NUDCD1: variants seen among roughly 807,000 people sequenced by gnomAD.
NUDCD1 encodes NudC domain containing 1, also known as nudC domain-containing protein 1.
In NUDCD1, 60 loss-of-function variants were observed where a neutral mutation model predicts 67.8. That is an observed-to-expected ratio of 0.88 (90% CI 0.72 to 1.10). The LOEUF (loss-of-function observed/expected upper bound fraction) is 1.10. Among genes scored for constraint, NUDCD1 ranks in the 50% least tolerant of loss-of-function variants. NUDCD1 has a pLI of 0.00. For synonymous variants in NUDCD1, 244 were observed against 230.8 expected (o/e 1.06, Z -0.52); for missense variants, 643 against 695.0 (o/e 0.93, Z 0.84).
intron 8 of NUDCD1, among the ~76,000 whole-genome samples, chr8:109,258,565 T>C (rs1813791851): frequency 6.6e-6 from 1 of 152,110 alleles, no homozygotes; most frequent in Admixed American, 6.6e-5. Flanking sequence ...TAATTTATGA[T>C]AGCTGCTAAA....
chr8:109,274,800 T>G (rs973148466), intron 7 of NUDCD1, among the ~76,000 whole-genome samples: 1 of 152,172 alleles, frequency 6.6e-6, no homozygotes, highest in Admixed American at 6.5e-5. Flanking sequence ...CAAGTTCTGA[T>G]GTACTGCTGT....
intron 7 of NUDCD1, among the ~76,000 whole-genome samples, chr8:109,271,683 C>G (rs759915533): frequency 2.6e-5 from 4 of 152,022 alleles, no homozygotes; most frequent in Non-Finnish European, 5.9e-5. Flanking sequence ...CAAAGAACTC[C>G]AAGCACAACA....
chr8:109,259,009 T>C (rs1204766500), intron 8 of NUDCD1, among the ~76,000 whole-genome samples: 1 of 152,234 alleles, frequency 6.6e-6, no homozygotes, highest in African/African-American at 2.4e-5. Flanking sequence ...ATTACTGTGA[T>C]ACCTGAACTT....
intron 5 of NUDCD1, among the ~76,000 whole-genome samples, chr8:109,282,041 T>G (rs1442656521): frequency 6.6e-6 from 1 of 152,164 alleles, no homozygotes; most frequent in African/African-American, 2.4e-5. Context: ...TGGGAGGGTT[T>G]CTTAGCTCCA....
intron 3 of NUDCD1, among the ~76,000 whole-genome samples, chr8:109,293,897 T>C (rs1380097): frequency 0.36 from 54,682 of 151,704 alleles, 10,667 homozygotes; most frequent in South Asian, 0.5. Context: ...GAAGAATAAA[T>C]CACCAAAACA....
intron 5 of NUDCD1, among the ~76,000 whole-genome samples, chr8:109,288,916 G>A (rs1033893033): frequency 6.6e-6 from 1 of 151,772 alleles, no homozygotes; most frequent in East Asian, 1.9e-4. Flanking sequence ...CTCTTGAACA[G>A]CTTTAAAAGA....
chr8:109,297,530 C>T (rs1814873758), intron 2 of NUDCD1, among the ~76,000 whole-genome samples: 1 of 152,056 alleles, frequency 6.6e-6, no homozygotes, highest in African/African-American at 2.4e-5. Context: ...CTCTTTTTCC[C>T]CCTCCGCCTT....
At position 109,320,105 on chromosome 8, in the gene NUDCD1, G is replaced by A. The variant is rs184247176; in HGVS notation, c.273+2204C>T. On this transcript the variant is annotated intron_variant, in intron 2 of 9. Transcript: ENST00000239690. Reference sequence around the variant, plus strand: ...GGCGAGATCACAAAACCACAGGACTGGGGCGAAATTAAAATTGCTAATGAA... The same window carrying A: ...GGCGAGATCACAAAACCACAGGACTAGGGCGAAATTAAAATTGCTAATGAA... 4.9e-3 allele frequency among the ~76,000 whole-genome samples: 747 copies of A among 152,302 alleles called. 5 individuals are homozygous for A. Among genetic ancestry groups the A allele is most frequent in the Non-Finnish European group, 8.7e-3 (590 of 68,010 alleles).
intron 2 of NUDCD1, 36 bp from the exon 3 acceptor site, chr8:109,296,605 T>C (rs1814849132): frequency 7.5e-7 from 1 of 1,327,834 alleles, no homozygotes; most frequent in Non-Finnish European, 1.1e-6. Flanking sequence ...AATCTCTTCC[T>C]CTTCACTGAT....
intron 1 of NUDCD1, among the ~76,000 whole-genome samples, chr8:109,329,051 A>C (rs1299929937): frequency 1.3e-5 from 2 of 152,210 alleles, no homozygotes; most frequent in African/African-American, 2.4e-5. Context: ...AAAAGATTTA[A>C]ATCAAACTTC....
intron 2 of NUDCD1, among the ~76,000 whole-genome samples, chr8:109,311,227 ACTTAGTCC>A (rs1201631400): frequency 1.3e-5 from 2 of 152,152 alleles, no homozygotes; most frequent in Non-Finnish European, 2.9e-5. Flanking sequence ...GATACCCCCA[ACTTAGTCC>A]TGCCAGAATG....
intron 2 of NUDCD1, among the ~76,000 whole-genome samples, chr8:109,313,169 T>C (rs898071402): frequency 1.7e-4 from 26 of 152,190 alleles, no homozygotes; most frequent in African/African-American, 5.8e-4. Flanking sequence ...ATGGTATGTG[T>C]TCTCCCTTAC....
intron 5 of NUDCD1, among the ~76,000 whole-genome samples, chr8:109,289,236 A>C (rs1814645978): frequency 6.6e-6 from 1 of 151,962 alleles, no homozygotes; most frequent in Admixed American, 6.6e-5. Flanking sequence ...AGGCCTCCCA[A>C]AGTGCTGGGA....
At chr8:109,319,878 G>C (rs549317258) in intron 2 of NUDCD1, among the ~76,000 whole-genome samples, 1 of 152,254 alleles carries the variant, frequency 6.6e-6, no homozygotes, top group African/African-American at 2.4e-5. Context: ...AAGGGACAGA[G>C]TACAAAAGAG....
At chr8:109,303,060 C>T (rs377366827) in intron 2 of NUDCD1, among the ~76,000 whole-genome samples, 9 of 152,304 alleles carry the variant, frequency 5.9e-5, no homozygotes, top group South Asian at 4.1e-4. Flanking sequence ...CCTCCAGGAC[C>T]GCCTCCCCAA....
intron 1 of NUDCD1, among the ~76,000 whole-genome samples, chr8:109,332,526 C>T (rs1815832550): frequency 6.6e-6 from 1 of 152,172 alleles, no homozygotes; most frequent in African/African-American, 2.4e-5. Context: ...CCTACCCCCA[C>T]CCTCCAAACA....
At chr8:109,310,133 G>A (rs1403741126) in intron 2 of NUDCD1, among the ~76,000 whole-genome samples, 1 of 151,930 alleles carries the variant, frequency 6.6e-6, no homozygotes, top group Non-Finnish European at 1.5e-5. Context: ...AAATTCACAT[G>A]TAACCAAAAA....
chr8:109,332,931 C>T (rs1815844315), intron 1 of NUDCD1, among the ~76,000 whole-genome samples: 2 of 152,146 alleles, frequency 1.3e-5, no homozygotes, highest in African/African-American at 2.4e-5. Context: ...CAAGTACTAC[C>T]ATTGTATTTT....
intron 6 of NUDCD1, among the ~76,000 whole-genome samples, chr8:109,279,287 C>A (rs1281383700): frequency 1.3e-5 from 2 of 152,162 alleles, no homozygotes; most frequent in African/African-American, 4.8e-5. Context: ...ACGTTTGATA[C>A]TGTCAGTCTT....
Sources: gnomAD v4.1 joint callset for allele counts (sites outside exome capture counted in the v4.1 genomes callset) on GRCh38, gnomAD v4.1.1 for gene constraint, MANE v1.5 for transcripts, NCBI Gene and HGNC (gene_info 2026-07-23, HGNC 2026-07-21) for gene names.